Variants in LHFPL2 observed in about 807,000 individuals in gnomAD.
The protein encoded by LHFPL2 is LHFPL tetraspan subfamily member 2, also known as LHFPL tetraspan subfamily member 2 protein.
LHFPL2 carries 7 observed loss-of-function variants against 17.5 expected under a neutral mutation model. That is an observed-to-expected ratio of 0.40 (90% CI 0.23 to 0.75). The LOEUF (loss-of-function observed/expected upper bound fraction) is 0.75, where lower values mean the gene tolerates loss of function less well. Among genes scored for constraint, LHFPL2 ranks in the 30% least tolerant of loss-of-function variants. The probability of loss-of-function intolerance (pLI) is 0.37; values close to 1 mark genes in which losing one functional copy is unlikely to be tolerated. For synonymous variants in LHFPL2, 134 were observed against 116.2 expected (o/e 1.15, Z -0.99); for missense variants, 241 against 294.8 (o/e 0.82, Z 1.34).
chr5:78,565,031 C>G (rs951493008), intron 2 of LHFPL2, among the ~76,000 whole-genome samples, 160 bp from the exon 3 acceptor site: 12 of 152,176 alleles, frequency 7.9e-5, no homozygotes, highest in African/African-American at 1.2e-4. Context: ...GCCACTCCCC[C>G]CAGGAACACC....
intron 2 of LHFPL2, among the ~76,000 whole-genome samples, chr5:78,588,152 C>T (rs1020420709): frequency 6.6e-6 from 1 of 152,206 alleles, no homozygotes; most frequent in African/African-American, 2.4e-5. Context: ...AAACTAACTT[C>T]CTGTGTCTGT....
intron 3 of LHFPL2, among the ~76,000 whole-genome samples, chr5:78,532,823 C>A (rs954504297): frequency 1.3e-5 from 2 of 152,076 alleles, no homozygotes; most frequent in South Asian, 2.1e-4. Flanking sequence ...GATCATTTCA[C>A]TTGCCTTTCA....
intron 3 of LHFPL2, among the ~76,000 whole-genome samples, chr5:78,534,698 C>A (rs1393836959): frequency 6.6e-6 from 1 of 152,212 alleles, no homozygotes; most frequent in Admixed American, 6.5e-5. Flanking sequence ...AGTCCGTCAC[C>A]GAAGGCCCAG....
intron 2 of LHFPL2, among the ~76,000 whole-genome samples, chr5:78,609,643 A>C (rs1744350134): frequency 6.6e-6 from 1 of 152,060 alleles, no homozygotes; most frequent in South Asian, 2.1e-4. Context: ...TAAGGTTCTG[A>C]GGGTGTATAT....
intron 3 of LHFPL2, among the ~76,000 whole-genome samples, chr5:78,562,875 T>C (rs1051865353): frequency 3.3e-5 from 5 of 152,206 alleles, no homozygotes; most frequent in Middle Eastern, 6.8e-3. Context: ...CAGAATGAAA[T>C]TGGCTTTTCC....
intron 2 of LHFPL2, among the ~76,000 whole-genome samples, chr5:78,630,820 G>A (rs181969893): frequency 3.3e-5 from 5 of 152,266 alleles, no homozygotes; most frequent in Middle Eastern, 3.4e-3. Context: ...AGAATAAGGC[G>A]GGGGCAAAAC....
intron 2 of LHFPL2, among the ~76,000 whole-genome samples, chr5:78,599,899 T>C (rs891544941): frequency 1.3e-5 from 2 of 152,146 alleles, no homozygotes; most frequent in African/African-American, 4.8e-5. Context: ...ACATAGTACC[T>C]GAAAAGACAA....
At chr5:78,582,415 G>T (rs547259429) in intron 2 of LHFPL2, among the ~76,000 whole-genome samples, 1 of 149,302 alleles carries the variant, frequency 6.7e-6, no homozygotes, top group African/African-American at 2.5e-5. Flanking sequence ...TTTCTCTTGT[G>T]GGCATTTAGT....
rs1754205256 is a variant in LHFPL2 at position 78,485,411 on chromosome 5, G to C, written c.*3486C>G. 1 of 152,632 alleles carries C rather than the reference G, an allele frequency of 6.6e-6. No individual in the cohort carries two copies. Among genetic ancestry groups the C allele is most frequent in the African/African-American group, 2.4e-5 (1 of 41,444 alleles). 9.5% of individuals were successfully genotyped at this position (152,632 alleles called of 1,614,324 possible). A position where few individuals can be genotyped will look rare whatever the true frequency, so the allele number is the denominator to read the frequency against. On this transcript the variant is annotated 3_prime_UTR_variant, in exon 5 of 5. Transcript: ENST00000380345. Reference sequence around the variant, plus strand: ...AAATACAATTTTATATTTGGCTCAAGTGGCTGTTGAATATCAAGTGGTGCC... The same window carrying C: ...AAATACAATTTTATATTTGGCTCAACTGGCTGTTGAATATCAAGTGGTGCC...
intron 2 of LHFPL2, among the ~76,000 whole-genome samples, chr5:78,572,774 GT>G (rs1199958644): frequency 6.6e-6 from 1 of 152,066 alleles, no homozygotes; most frequent in Non-Finnish European, 1.5e-5. Context: ...TACAGCAGCA[GT>G]CCCCAACCTT....
chr5:78,523,446 G>T (rs563424242), intron 3 of LHFPL2, among the ~76,000 whole-genome samples: 1 of 152,254 alleles, frequency 6.6e-6, no homozygotes, highest in Non-Finnish European at 1.5e-5. Flanking sequence ...TGAGGGGGTA[G>T]AAGAAGGCGG....
chr5:78,534,409 C>T (rs1044219627), intron 3 of LHFPL2, among the ~76,000 whole-genome samples: 2 of 152,226 alleles, frequency 1.3e-5, no homozygotes, highest in African/African-American at 4.8e-5. Context: ...AGGGCCGTAG[C>T]AGGCTCCCCC....
chr5:78,513,962 G>A (rs543314567), intron 3 of LHFPL2, among the ~76,000 whole-genome samples: 63 of 152,342 alleles, frequency 4.1e-4, no homozygotes, highest in African/African-American at 1.5e-3. Context: ...ATCTGGAAGT[G>A]CAGCAGGGGG....
chr5:78,488,677 T>C lies in LHFPL2; in HGVS notation c.*220A>G, dbSNP rs953528748. On this transcript the variant is annotated 3_prime_UTR_variant, in exon 5 of 5. Coordinates refer to ENST00000380345, the MANE Select transcript of LHFPL2 (RefSeq NM_005779.3). ...TGGCAACTCCAGGTCTAGGATTATA[T>C]ACTATTTTCATGTTCCATTCCTTAT... is the stretch of plus-strand genomic sequence containing the variant. The C allele has an allele frequency of 1.9e-5, 11 of 571,086 alleles. No homozygotes were observed. In the East Asian group the frequency reaches 3.0e-4, roughly 15 times the overall value. The allele number at this position is 571,086 out of a possible 1,614,324, so 35.4% of individuals were successfully genotyped here. A position where few individuals can be genotyped will look rare whatever the true frequency, so the allele number is the denominator to read the frequency against.
intron 1 of LHFPL2, among the ~76,000 whole-genome samples, chr5:78,647,560 C>G (rs1273820314): frequency 6.6e-6 from 1 of 152,114 alleles, no homozygotes; most frequent in African/African-American, 2.4e-5. Flanking sequence ...ACGTAGGTCA[C>G]CCACCGATGG....
At position 78,551,978 on chromosome 5, in the gene LHFPL2, A is replaced by G. The variant is rs556751901; in HGVS notation, c.-186+12835T>C. ...AGATCATACCCTCTTGTCAAATCAT[A>G]TATCTACATGCCTGTTCATACTCTG... On this transcript the variant is annotated intron_variant, in intron 3 of 4. Transcript: ENST00000380345. 2.0e-5 allele frequency among the ~76,000 whole-genome samples: 3 copies of G among 152,294 alleles called. No individual in the cohort carries two copies. The South Asian group carries it at 6.2e-4, about 32-fold the overall frequency.
intron 2 of LHFPL2, among the ~76,000 whole-genome samples, chr5:78,574,219 G>A (rs1429451512): frequency 6.6e-6 from 1 of 152,200 alleles, no homozygotes; most frequent in Non-Finnish European, 1.5e-5. Flanking sequence ...CTGGTCCGTG[G>A]GGAGTATTTC....
At chr5:78,601,850 C>T (rs1225579321) in intron 2 of LHFPL2, among the ~76,000 whole-genome samples, 1 of 152,182 alleles carries the variant, frequency 6.6e-6, no homozygotes, top group Non-Finnish European at 1.5e-5. Flanking sequence ...TCATCCTGCA[C>T]TGGAAACACA....
chr5:78,496,355 A>G (rs552085753), intron 4 of LHFPL2, among the ~76,000 whole-genome samples: 1 of 152,364 alleles, frequency 6.6e-6, no homozygotes, highest in African/African-American at 2.4e-5. Flanking sequence ...GTGTCACACA[A>G]CTAGGTCAAG....
Sources: gnomAD v4.1 joint callset for allele counts (sites outside exome capture counted in the v4.1 genomes callset) on GRCh38, gnomAD v4.1.1 for gene constraint, MANE v1.5 for transcripts, NCBI Gene and HGNC (gene_info 2026-07-23, HGNC 2026-07-21) for gene names.